NEIL3: variants seen among roughly 807,000 people sequenced by gnomAD.
NEIL3 encodes endonuclease 8-like 3.
A neutral mutation model predicts 57.5 loss-of-function variants in NEIL3; 48 were observed. That is an observed-to-expected ratio of 0.83 (90% CI 0.66 to 1.06). NEIL3 has a LOEUF of 1.06. NEIL3 is among the 50% of genes least tolerant of loss of function. The probability of loss-of-function intolerance (pLI) is 0.00; values close to 1 mark genes in which losing one functional copy is unlikely to be tolerated. For missense variants in NEIL3, 717 were observed against 739.1 expected, an observed-to-expected ratio of 0.97 and a Z score of 0.35; for synonymous variants, 261 against 253.2, an observed-to-expected ratio of 1.03 and a Z score of -0.29.
rs36071320 is a variant in NEIL3, at chr4:177,313,673, T to C, written c.156+3564T>C. Among the ~76,000 whole-genome samples, 327 of 152,320 alleles carry C rather than the reference T, an allele frequency of 2.1e-3. 8 individuals are homozygous for C. The South Asian group carries it at 0.046, about 22-fold the overall frequency. On this transcript the variant is annotated intron_variant, in intron 1 of 9. Coordinates refer to ENST00000264596, the MANE Select transcript of NEIL3 (RefSeq NM_018248.3). ...GTTTTCAATCTCACAAAACAGGATA[T>C]GAAACAGTTTATAAGCATTCATTTT...
chr4:177,344,399 A>T (rs1167413692), intron 6 of NEIL3, among the ~76,000 whole-genome samples: 1 of 152,174 alleles, frequency 6.6e-6, no homozygotes. Flanking sequence ...TTTCAAGTTA[A>T]GCTGAAGAAG....
At chr4:177,322,405 T>A in intron 1 of NEIL3, 54 bp from the exon 2 acceptor site, 1 of 1,606,182 alleles carries the variant, frequency 6.2e-7, no homozygotes, top group Non-Finnish European at 8.5e-7. Context: ...ATAATGCTTT[T>A]GCTTAGAGTT....
chr4:177,345,679 C>CTTT (rs55741585), intron 6 of NEIL3, among the ~76,000 whole-genome samples: 83 of 78,074 alleles, frequency 1.1e-3, no homozygotes, highest in African/African-American at 1.5e-3. Flanking sequence ...CCACGCCTGG[C>CTTT]TTTTTTTTTT....
At chr4:177,361,182 C>T (rs1045215679) in intron 9 of NEIL3, among the ~76,000 whole-genome samples, 6 of 152,172 alleles carry the variant, frequency 3.9e-5, no homozygotes, top group African/African-American at 9.7e-5. Context: ...TAGCTATAGG[C>T]GATTCCTCCT....
At chr4:177,355,589 A>C (rs990022373) in intron 8 of NEIL3, among the ~76,000 whole-genome samples, 6 of 152,154 alleles carry the variant, frequency 3.9e-5, no homozygotes, top group Non-Finnish European at 7.3e-5. Flanking sequence ...GGAGGGATGT[A>C]CTTTGGTTGG....
chr4:177,347,790 A>G (rs2110922273), intron 6 of NEIL3, among the ~76,000 whole-genome samples: 1 of 152,356 alleles, frequency 6.6e-6, no homozygotes, highest in East Asian at 1.9e-4. Context: ...TTATGACTAC[A>G]ACGTTAGGTC....
chr4:177,349,019 C>T (rs1195293137), intron 6 of NEIL3, among the ~76,000 whole-genome samples: 1 of 148,050 alleles, frequency 6.8e-6, no homozygotes, highest in African/African-American at 2.5e-5. Context: ...AGGCACCCGT[C>T]ACCACACCTG....
At chr4:177,323,658 G>A (rs996247198) in intron 2 of NEIL3, among the ~76,000 whole-genome samples, 5 of 152,160 alleles carry the variant, frequency 3.3e-5, no homozygotes, top group African/African-American at 1.2e-4. Flanking sequence ...TGCTGCTGTA[G>A]TAGACTGATG....
intron 6 of NEIL3, among the ~76,000 whole-genome samples, chr4:177,347,325 G>A (rs1735244011): frequency 6.6e-6 from 1 of 152,172 alleles, no homozygotes; most frequent in African/African-American, 2.4e-5. Flanking sequence ...GACAGAGGCA[G>A]CCCCTCTGCT....
At chr4:177,369,058 C>T in the NEIL3 span, among the ~76,000 whole-genome samples, 1 of 152,160 alleles carries the variant, frequency 6.6e-6, no homozygotes, top group African/African-American at 2.4e-5. Context: ...TGTTGAACAC[C>T]TACTATGTGA....
intron 2 of NEIL3, among the ~76,000 whole-genome samples, chr4:177,325,122 G>C (rs1213269228): frequency 6.6e-6 from 1 of 152,088 alleles, no homozygotes; most frequent in Non-Finnish European, 1.5e-5. Context: ...TTTTAGAAAT[G>C]CCTTATACAT....
At chr4:177,322,625 G>GAT (rs1734709122) in intron 2 of NEIL3, 45 bp downstream of exon 2, 1 of 1,611,816 alleles carries the variant, frequency 6.2e-7, no homozygotes, top group Admixed American at 1.7e-5. Flanking sequence ...TATATTTAAA[G>GAT]ATGCGTAGAA....
intron 6 of NEIL3, among the ~76,000 whole-genome samples, chr4:177,350,661 T>C (rs952968382): frequency 6.6e-6 from 1 of 152,210 alleles, no homozygotes; most frequent in Non-Finnish European, 1.5e-5. Flanking sequence ...TATAAAACTT[T>C]CACATCTTTC....
In NEIL3 at chr4:177,314,725, A is replaced by G. The variant is rs1341295032; in HGVS notation, c.156+4616A>G. ...ACCTCTATTTTGTTGTTTAGAAATC[A>G]CTTTAAAATTATATTCTTTGATGAC... is the stretch of plus-strand genomic sequence containing the variant. On this transcript the variant is annotated intron_variant, in intron 1 of 9. Transcript: ENST00000264596. Among the ~76,000 whole-genome samples the G allele has an allele frequency of 2.0e-5, 3 of 152,156 alleles. No individual in the cohort carries two copies. The East Asian group carries it at 5.8e-4, about 29-fold the overall frequency.
At chr4:177,360,373 A>C in intron 8 of NEIL3, 130 bp from the exon 9 acceptor site, 1 of 558,772 alleles carries the variant, frequency 1.8e-6, no homozygotes, top group East Asian at 2.9e-5. Context: ...ATAATGACCT[A>C]ATGTTAACGA....
rs1235913713 is a variant in NEIL3 at position 177,362,818 on chromosome 4, CAATAA to C, written c.*353_*357del. The stretch of plus-strand genomic sequence containing the variant: ...TTTTTTAGGAAAGGATTATGCGACA[CAATAA>C]AATAAGATATTCTGTCTGTAGTGAA... On this transcript the variant is annotated 3_prime_UTR_variant, in exon 10 of 10. Transcript: ENST00000264596. The C allele has an allele frequency of 1.3e-5, 2 of 159,050 alleles. No individual in the cohort carries two copies. The highest frequency in any genetic ancestry group is 4.8e-5 in the African/African-American group (2 of 41,562). The allele number at this position is 159,050 out of a possible 1,614,324, so 9.9% of individuals were successfully genotyped here. A position where few individuals can be genotyped will look rare whatever the true frequency, so the allele number is the denominator to read the frequency against.
At position 177,339,712 on chromosome 4, in the gene NEIL3, G is replaced by A; in HGVS notation, c.628-71G>A. On this transcript the variant is annotated intron_variant, in intron 4 of 9. Transcript: ENST00000264596. ...TTTACAGTTCTCTTTCACAGAATTG[G>A]CAAGGCGTATTATTTCTTACAGTAA... The A allele has an allele frequency of 4.1e-6, 4 of 973,960 alleles. No homozygotes were observed. In the Admixed American group the frequency reaches 7.6e-5, roughly 19 times the overall value. The allele number at this position is 973,960 out of a possible 1,614,324, so 60.3% of individuals were successfully genotyped here. A position where few individuals can be genotyped will look rare whatever the true frequency, so the allele number is the denominator to read the frequency against.
intron 6 of NEIL3, chr4:177,343,767 A>C (rs1385637543): frequency 6.7e-6 from 1 of 149,422 alleles, no homozygotes; most frequent in Non-Finnish European, 1.5e-5. Flanking sequence ...ATACACACTT[A>C]ATGGTTTTTA....
chr4:177,322,503 G>A lies in NEIL3; in HGVS notation c.201G>A (p.Leu67=). The A allele has an allele frequency of 6.2e-7, 1 of 1,614,024 alleles. No homozygotes were observed. The highest frequency in any genetic ancestry group is 8.5e-7 in the Non-Finnish European group (1 of 1,179,908). The part of the protein sequence containing the change: ...NNDSSQNVLS[L]FNGYVYSGVE... Reference sequence around the variant, plus strand: ...ATTCCAGCCAGAATGTCTTGAGCCTGTTTAATGGATATGTTTACAGTGGCG... The same window carrying A: ...ATTCCAGCCAGAATGTCTTGAGCCTATTTAATGGATATGTTTACAGTGGCG... The change falls in exon 2 of 10, where the codon CTG becomes CTA. Residue 67 remains leucine, a synonymous_variant. Transcript: ENST00000264596.
Sources: gnomAD v4.1 joint callset for allele counts (sites outside exome capture counted in the v4.1 genomes callset) on GRCh38, gnomAD v4.1.1 for gene constraint, MANE v1.5 for transcripts, NCBI Gene and HGNC (gene_info 2026-07-23, HGNC 2026-07-21) for gene names.